The following SUPT16H variants were observed in gnomAD, a reference collection of about 807,000 sequenced individuals.
SUPT16H encodes SPT16 homolog, facilitates chromatin remodeling subunit.
SUPT16H carries 24 observed loss-of-function variants against 136.2 expected under a neutral mutation model. That is an observed-to-expected ratio of 0.18 (90% CI 0.13 to 0.25). The LOEUF is 0.25. SUPT16H is among the 10% of genes least tolerant of loss of function. SUPT16H has a pLI of 1.00. For missense variants in SUPT16H, 623 were observed against 1,270.2 expected (o/e 0.49, Z 7.74); for synonymous variants, 415 against 428.2 (o/e 0.97, Z 0.38).
At chr14:21,364,266 T>A (rs543687615) in intron 10 of SUPT16H, among the ~76,000 whole-genome samples, 1 of 152,164 alleles carries the variant, frequency 6.6e-6, no homozygotes, top group South Asian at 2.1e-4. Flanking sequence ...AAAGACCACA[T>A]AGGGTATGAC....
At chr14:21,366,775 A>G (rs943406964) in intron 7 of SUPT16H, among the ~76,000 whole-genome samples, 1 of 151,780 alleles carries the variant, frequency 6.6e-6, no homozygotes, top group Non-Finnish European at 1.5e-5. Flanking sequence ...CAGCCTCCCA[A>G]GTAACTGGGA....
intron 1 of SUPT16H, among the ~76,000 whole-genome samples, chr14:21,380,408 T>C (rs1886998538): frequency 6.6e-6 from 1 of 150,958 alleles, no homozygotes; most frequent in Non-Finnish European, 1.5e-5. Flanking sequence ...GTAGCTGGGA[T>C]TATACAGGCA....
At chr14:21,383,024 C>T (rs912692781) in intron 1 of SUPT16H, 5 of 152,218 alleles carry the variant, frequency 3.3e-5, no homozygotes, top group Admixed American at 3.3e-4. Context: ...CCCTTGATGA[C>T]AGGGTTCAGG....
At chr14:21,361,824 C>T (rs950557898) in intron 15 of SUPT16H, among the ~76,000 whole-genome samples, 1 of 151,754 alleles carries the variant, frequency 6.6e-6, no homozygotes, top group African/African-American at 2.4e-5. Flanking sequence ...GGATGGAGTA[C>T]AGGCAAGATC....
chr14:21,352,907 C>CTT, intron 25 of SUPT16H, 89 bp from the exon 26 acceptor site: 2 of 1,557,608 alleles, frequency 1.3e-6, no homozygotes, highest in Non-Finnish European at 1.8e-6. Context: ...AGAGAATACA[C>CTT]TTTGGAATCA....
chr14:21,352,945 CT>C, intron 25 of SUPT16H, 127 bp from the exon 26 acceptor site: 1 of 1,232,228 alleles, frequency 8.1e-7, no homozygotes, highest in Non-Finnish European at 1.1e-6. Context: ...TGGGCAAGTA[CT>C]TTCTGAACCT....
In SUPT16H at chr14:21,360,532, G is replaced by T. The variant is rs774125673; in HGVS notation, c.2058C>A (p.Gly686=). The T allele has an allele frequency of 3.1e-6, 5 of 1,607,758 alleles. No individual in the cohort carries two copies. The highest frequency in any genetic ancestry group is 2.7e-5 in the African/African-American group (2 of 74,682). ...CTCCTCGAACAGATGTGAAGCGGAA[G>T]CCTGGGGAAAAGAATGAAGAAATGT... is the stretch of plus-strand genomic sequence containing the variant. ...MQGSLEAHVN[G]FRFTSVRGDK... Residue 686 remains glycine (G), a splice_region_variant and synonymous_variant, in exon 18 of 26, where the codon GGC becomes GGA. Coordinates refer to ENST00000216297, the MANE Select transcript of SUPT16H (RefSeq NM_007192.4).
intron 22 of SUPT16H, among the ~76,000 whole-genome samples, chr14:21,355,200 A>C (rs1442184105): frequency 6.6e-6 from 1 of 152,108 alleles, no homozygotes; most frequent in African/African-American, 2.4e-5. Context: ...GTTAAGAAAT[A>C]GGGACAATTT....
chr14:21,362,561 C>A (rs1176412748), intron 14 of SUPT16H, among the ~76,000 whole-genome samples: 1 of 151,940 alleles, frequency 6.6e-6, no homozygotes, highest in East Asian at 1.9e-4. Context: ...AATGATTAAA[C>A]GAAGTTGAAA....
rs868326671 is a variant in SUPT16H at position 21,366,351 on chromosome 14, T to C, written c.1046+88A>G. On this transcript the variant is annotated intron_variant, in intron 8 of 25. Transcript: ENST00000216297. ...TGCTAGTCCATAAATGTTGGCTGAA[T>C]CAATCAATTAGCCTAAAGAAATAAG... The C allele has an allele frequency of 2.4e-6, 3 of 1,237,882 alleles. No individual in the cohort carries two copies. The African/African-American group carries it at 4.5e-5, about 19-fold the overall frequency. The allele number at this position is 1,237,882 out of a possible 1,614,324, so 76.7% of individuals were successfully genotyped here.
At chr14:21,378,697 G>A (rs557512146) in intron 1 of SUPT16H, among the ~76,000 whole-genome samples, 6 of 152,196 alleles carry the variant, frequency 3.9e-5, no homozygotes, top group Admixed American at 6.5e-5. Context: ...GTTAATAACC[G>A]TTAAAAATTC....
At chr14:21,371,735 A>T (rs557424327) in intron 3 of SUPT16H, 139 bp downstream of exon 3, 1 of 922,452 alleles carries the variant, frequency 1.1e-6, no homozygotes, top group East Asian at 2.6e-5. Context: ...AACAATGAAG[A>T]CGTGACAGAA....
chr14:21,360,587 G>A (rs1566383970), intron 17 of SUPT16H, 54 bp from the exon 18 acceptor site: 1 of 1,452,006 alleles, frequency 6.9e-7, no homozygotes. Context: ...AGGCCAAAAG[G>A]CACTGCAACT....
At chr14:21,357,814 T>TA in intron 21 of SUPT16H, 113 bp downstream of exon 21, 1 of 1,069,828 alleles carries the variant, frequency 9.3e-7, no homozygotes, top group Non-Finnish European at 1.4e-6. Context: ...CAATGAGTTT[T>TA]AAGTCTAAGT....
At chr14:21,380,533 A>G (rs1187476453) in intron 1 of SUPT16H, among the ~76,000 whole-genome samples, 1 of 152,184 alleles carries the variant, frequency 6.6e-6, no homozygotes, top group Non-Finnish European at 1.5e-5. Context: ...GCAAAGAGCC[A>G]GAAAGCTCCA....
chr14:21,375,883 G>A (rs1241685404), intron 1 of SUPT16H, among the ~76,000 whole-genome samples: 2 of 152,214 alleles, frequency 1.3e-5, no homozygotes, highest in Non-Finnish European at 2.9e-5. Context: ...GTGAGCCACT[G>A]TGCCTGGCCT....
Position 21,368,297 on chromosome 14 carries a change from T to C in SUPT16H, c.927A>G (p.Gln309=). The C allele has an allele frequency of 1.9e-6, 3 of 1,613,718 alleles. No individual in the cohort carries two copies. The highest frequency in any genetic ancestry group is 2.5e-6 in the Non-Finnish European group (3 of 1,179,864). Residue 309 remains glutamine (Q), a synonymous_variant, in exon 7 of 26, where the codon CAA becomes CAG. Transcript: ENST00000216297. ...QENYNFLLQL[Q]EELLKELRHG... is the part of the protein sequence containing the mutation. The stretch of plus-strand genomic sequence containing the variant: ...GTCTTAATTCCTTCAGCAGCTCCTC[T>C]TGAAGCTGGAGCAAAAAGTTATAAT...
chr14:21,367,416 T>C (rs1441344749), intron 7 of SUPT16H, among the ~76,000 whole-genome samples: 1 of 152,250 alleles, frequency 6.6e-6, no homozygotes, highest in Non-Finnish European at 1.5e-5. Flanking sequence ...ATGAGGGCTG[T>C]GGCCTTAATT....
At chr14:21,359,903 G>GC (rs1886514248) in intron 18 of SUPT16H, among the ~76,000 whole-genome samples, 1 of 152,078 alleles carries the variant, frequency 6.6e-6, no homozygotes, top group South Asian at 2.1e-4. Context: ...ACATTTGCTG[G>GC]CCACCATATA....
Sources: gnomAD v4.1 joint callset for allele counts (sites outside exome capture counted in the v4.1 genomes callset) on GRCh38, gnomAD v4.1.1 for gene constraint, MANE v1.5 for transcripts, NCBI Gene and HGNC (gene_info 2026-07-23, HGNC 2026-07-21) for gene names.